Variants in IFI16 observed in about 807,000 individuals in gnomAD.
IFI16 encodes the protein gamma-interferon-inducible protein 16.
Under a neutral mutation model 68.4 loss-of-function variants are expected in IFI16, and 49 were observed. The observed-to-expected ratio is 0.72, with a 90% CI of 0.57 to 0.91. The LOEUF (loss-of-function observed/expected upper bound fraction) is 0.91. Ranked by LOEUF, IFI16 falls within the 40% of genes least tolerant of loss-of-function variation. The pLI, the probability that IFI16 is intolerant of heterozygous loss-of-function variation, is 0.00. For missense variants in IFI16, 878 were observed against 942.9 expected, an observed-to-expected ratio of 0.93 and a Z score of 0.90; for synonymous variants, 307 against 315.0, an observed-to-expected ratio of 0.97 and a Z score of 0.27.
At chr1:159,017,829 A>C (rs1189373957) in intron 4 of IFI16, among the ~76,000 whole-genome samples, 1 of 152,154 alleles carries the variant, frequency 6.6e-6, no homozygotes, top group Non-Finnish European at 1.5e-5. Flanking sequence ...GCTGGTCTCA[A>C]ACTCCTGATC....
chr1:159,018,732 C>T, intron 5 of IFI16, 81 bp downstream of exon 5: 1 of 982,788 alleles, frequency 1.0e-6, no homozygotes, highest in South Asian at 1.6e-5. Flanking sequence ...TGAAGCTTTG[C>T]CTATAAACTG....
chr1:159,011,991 T>C (rs1391838726), intron 1 of IFI16, among the ~76,000 whole-genome samples: 1 of 152,172 alleles, frequency 6.6e-6, no homozygotes, highest in Admixed American at 6.5e-5. Flanking sequence ...ACCATGCTGT[T>C]GTAATTTCTG....
At chr1:159,002,968 A>T (rs1652114867), upstream of IFI16, among the ~76,000 whole-genome samples, 1 of 152,252 alleles carries the variant, frequency 6.6e-6, no homozygotes, top group South Asian at 2.1e-4. Flanking sequence ...CATAGATAAA[A>T]AACAAAATTA....
At chr1:159,028,032 T>A (rs1653777953) in intron 6 of IFI16, among the ~76,000 whole-genome samples, 1 of 152,162 alleles carries the variant, frequency 6.6e-6, no homozygotes, top group Non-Finnish European at 1.5e-5. Flanking sequence ...CTTTGATCTT[T>A]GTTATTTCTT....
intron 7 of IFI16, among the ~76,000 whole-genome samples, chr1:159,036,602 T>G (rs552164731): frequency 2.6e-5 from 4 of 152,368 alleles, no homozygotes; most frequent in African/African-American, 7.2e-5. Flanking sequence ...TTACACATAT[T>G]TAAAATTAGA....
chr1:159,012,416 A>G (rs1652623590), intron 1 of IFI16, among the ~76,000 whole-genome samples: 1 of 152,238 alleles, frequency 6.6e-6, no homozygotes. Context: ...TGGGATATAA[A>G]TAATTACTCC....
chr1:159,024,885 G>A (rs992871399), intron 6 of IFI16, among the ~76,000 whole-genome samples: 2 of 151,986 alleles, frequency 1.3e-5, no homozygotes, highest in East Asian at 1.9e-4. Flanking sequence ...TAATTCTAAC[G>A]AAGAAGATGT....
intron 6 of IFI16, among the ~76,000 whole-genome samples, chr1:159,023,155 A>T (rs1343759065): frequency 6.6e-6 from 1 of 152,150 alleles, no homozygotes; most frequent in Non-Finnish European, 1.5e-5. Context: ...TTATTATTTT[A>T]GAAAAAGAGT....
At chr1:159,013,162 CTTTTTTTT>C (rs59743054) in intron 1 of IFI16, among the ~76,000 whole-genome samples, 2 of 54,646 alleles carry the variant, frequency 3.7e-5, no homozygotes, top group South Asian at 1.4e-3. Context: ...AAGAAGGAAG[CTTTTTTTT>C]TTTTTTTTTT....
At chr1:159,041,606 A>T (rs1337835235) in intron 7 of IFI16, among the ~76,000 whole-genome samples, 1 of 152,194 alleles carries the variant, frequency 6.6e-6, no homozygotes, top group East Asian at 1.9e-4. Context: ...AGAGTTATCT[A>T]CCAGAAAATG....
chr1:159,018,233 C>G lies in IFI16; in HGVS notation c.554C>G (p.Pro185Arg). Residue 185 changes from proline (P) to arginine (R), a missense_variant, in exon 5 of 12, where the codon CCG becomes CGG. Pro to Arg is a moderately radical substitution (Grantham distance 103). This residue lies in a region of IFI16 where 443 missense variants were observed against 421.8 expected (regional missense o/e 1.05). Transcript: ENST00000295809. ...APPNSSSTENPKTVAKCQVTP... is the reference protein window; with the variant it reads ...APPNSSSTENRKTVAKCQVTP... ...CTCCTGTGCTATCATACACAGAACC[C>G]GAAAACAGTGGCCAAATGTCAGGTA... 1 of 1,612,790 alleles carries G rather than the reference C, an allele frequency of 6.2e-7. No individual in the cohort carries two copies. Among genetic ancestry groups the G allele is most frequent in the Non-Finnish European group, 8.5e-7 (1 of 1,179,412 alleles).
intron 6 of IFI16, among the ~76,000 whole-genome samples, chr1:159,026,829 C>T (rs12061401): frequency 0.29 from 44,635 of 151,822 alleles, 9,045 homozygotes; most frequent in African/African-American, 0.58. Context: ...TGGTTGCTGG[C>T]CGTGTATAGC....
At chr1:159,026,415 C>T (rs139787287) in intron 6 of IFI16, among the ~76,000 whole-genome samples, 1,862 of 152,056 alleles carry the variant, frequency 0.012, 21 homozygotes, top group Non-Finnish European at 0.018. Flanking sequence ...TCTCCTGCCT[C>T]AGCCTCTCGA....
chr1:159,018,945 C>T (rs1485691173), intron 5 of IFI16, among the ~76,000 whole-genome samples: 2 of 152,184 alleles, frequency 1.3e-5, no homozygotes, highest in Admixed American at 1.3e-4. Flanking sequence ...TGATCAAGGA[C>T]ATTGTGAGGT....
At chr1:159,017,475 AT>A (rs200616986) in intron 4 of IFI16, among the ~76,000 whole-genome samples, 5 of 148,200 alleles carry the variant, frequency 3.4e-5, no homozygotes, top group African/African-American at 1.0e-4. Flanking sequence ...TTTTATTTTT[AT>A]TTTTTTTTAG....
At chr1:159,004,574 G>A (rs1652182847), upstream of IFI16, among the ~76,000 whole-genome samples, 1 of 152,092 alleles carries the variant, frequency 6.6e-6, no homozygotes, top group Admixed American at 6.5e-5. Context: ...GCTTGATGGT[G>A]CATGCGTGTA....
upstream of IFI16, among the ~76,000 whole-genome samples, chr1:159,004,028 A>G (rs772405406): frequency 9.9e-5 from 15 of 152,204 alleles, no homozygotes; most frequent in Non-Finnish European, 1.5e-4. Context: ...ACATAGAAGC[A>G]CTTATTTGTG....
intron 8 of IFI16, among the ~76,000 whole-genome samples, chr1:159,048,189 G>A (rs921522058): frequency 9.3e-5 from 14 of 151,212 alleles, no homozygotes; most frequent in African/African-American, 3.4e-4. Flanking sequence ...GAGCAGACAC[G>A]CAAACCCCTA....
At chr1:159,039,344 A>C (rs1247857524) in intron 7 of IFI16, among the ~76,000 whole-genome samples, 1 of 152,078 alleles carries the variant, frequency 6.6e-6, no homozygotes, top group African/African-American at 2.4e-5. Context: ...TGGATACATT[A>C]GGTTTTTGTT....
Sources: allele counts gnomAD v4.1 joint callset (sites outside exome capture counted in the v4.1 genomes callset), GRCh38; gene constraint gnomAD v4.1.1; regional missense constraint gnomAD v4.1.1; transcripts MANE v1.5; gene names NCBI Gene and HGNC (gene_info 2026-07-23, HGNC 2026-07-21).